Variants in MAPKAPK5 observed in about 807,000 individuals in gnomAD.
The protein encoded by MAPKAPK5 is MAPK activated protein kinase 5.
In MAPKAPK5, 30 loss-of-function variants were observed where a neutral mutation model predicts 65.1. The observed-to-expected ratio is 0.46, with a 90% CI of 0.34 to 0.63. The LOEUF is 0.63. MAPKAPK5 is among the 20% of genes least tolerant of loss of function. The pLI is 0.01. For synonymous variants in MAPKAPK5, 179 were observed against 204.6 expected (o/e 0.87, Z 1.07); for missense variants, 433 against 581.4 (o/e 0.74, Z 2.63).
chr12:111,889,016 T>C lies in MAPKAPK5; in HGVS notation c.1216+16T>C. ...CCCCAGGCTGGTAAAGGTCACACCA[T>C]TTACTAATCCTCTGTGTGTCTGTGA... is the stretch of plus-strand genomic sequence containing the variant. On this transcript the variant is annotated intron_variant, in intron 12 of 13. Coordinates refer to ENST00000550735, the MANE Select transcript of MAPKAPK5 (RefSeq NM_003668.4). 8 of 1,560,036 alleles carry C rather than the reference T, an allele frequency of 5.1e-6. No homozygotes were observed. The highest frequency in any genetic ancestry group is 6.9e-6 in the Non-Finnish European group (8 of 1,151,542).
chr12:111,849,679 G>A (rs944819212), intron 1 of MAPKAPK5, among the ~76,000 whole-genome samples: 1 of 152,064 alleles, frequency 6.6e-6, no homozygotes, highest in Non-Finnish European at 1.5e-5. Flanking sequence ...AGAGCAAAAG[G>A]TTTTAAATTT....
At chr12:111,871,502 G>T (rs1411270259) in intron 7 of MAPKAPK5, among the ~76,000 whole-genome samples, 1 of 152,128 alleles carries the variant, frequency 6.6e-6, no homozygotes, top group East Asian at 1.9e-4. Context: ...AATTAGCCGA[G>T]TGTGGTGGCG....
chr12:111,882,147 G>A (rs1362743980), intron 8 of MAPKAPK5, among the ~76,000 whole-genome samples: 11 of 152,290 alleles, frequency 7.2e-5, no homozygotes, highest in Admixed American at 5.9e-4. Flanking sequence ...TTGGGAGGCC[G>A]AGGTGGGCGG....
intron 7 of MAPKAPK5, chr12:111,879,932 T>C (rs902496617): frequency 4.7e-5 from 8 of 169,552 alleles, no homozygotes; most frequent in Admixed American, 2.2e-4. Flanking sequence ...CTGTGACTTT[T>C]CAAGGAACAG....
Position 111,848,561 on chromosome 12 carries a change from C to T in MAPKAPK5, c.36+5792C>T, listed in dbSNP as rs187776987. On this transcript the variant is annotated intron_variant, in intron 1 of 13. Transcript: ENST00000550735. Reference sequence around the variant, plus strand: ...CCCGAGTAGCTGGGATTACAGGCACCTGCCATCATGCCCAGCTAATTTTTG... The same window carrying T: ...CCCGAGTAGCTGGGATTACAGGCACTTGCCATCATGCCCAGCTAATTTTTG... 9.3e-4 allele frequency among the ~76,000 whole-genome samples: 140 copies of T among 151,278 alleles called. 1 individual carries two copies. Among genetic ancestry groups the T allele is most frequent in the African/African-American group, 3.3e-3 (135 of 41,206 alleles).
At chr12:111,869,936 T>G (rs1192561034) in intron 5 of MAPKAPK5, among the ~76,000 whole-genome samples, 5 of 152,244 alleles carry the variant, frequency 3.3e-5, no homozygotes, top group Non-Finnish European at 7.3e-5. Flanking sequence ...CTTAGGTGTT[T>G]CTTCTGCAGT....
At chr12:111,866,595 C>T (rs1414698964) in intron 3 of MAPKAPK5, among the ~76,000 whole-genome samples, 3 of 152,196 alleles carry the variant, frequency 2.0e-5, no homozygotes, top group East Asian at 1.9e-4. Context: ...CAGGAGGACT[C>T]TGAGGATGTT....
At position 111,842,455 on chromosome 12, in the gene MAPKAPK5, G is replaced by A. The variant is rs562405889; in HGVS notation, c.-279G>A. 1.0e-5 allele frequency: 3 copies of A among 288,628 alleles called. No homozygotes were observed. Among genetic ancestry groups the A allele is most frequent in the Admixed American group, 5.2e-5 (1 of 19,166 alleles). 17.9% of individuals were successfully genotyped at this position (288,628 alleles called of 1,614,324 possible). ...CCTACCCCAGGAGCCTGCCTCCCCA[G>A]CTGGGGATGAGGCTAGGAGGCGGCC... On this transcript the variant is annotated 5_prime_UTR_variant, in exon 1 of 14. Transcript: ENST00000550735.
intron 12 of MAPKAPK5, 196 bp from the exon 13 acceptor site, chr12:111,889,844 C>G: frequency 2.0e-6 from 1 of 512,504 alleles, no homozygotes; most frequent in Non-Finnish European, 3.5e-6. Flanking sequence ...ATAAAGATGT[C>G]AGAGTAAAAA....
In MAPKAPK5 at chr12:111,901,443, C is replaced by T. The variant is rs754951941; in HGVS notation, c.*8382C>T. On this transcript the variant is annotated 3_prime_UTR_variant, in exon 14 of 14. Coordinates refer to ENST00000550735, the MANE Select transcript of MAPKAPK5 (RefSeq NM_003668.4). ...AAATCACAATATGACTCATTCCAGA[C>T]GTGAAGAACATGCTGTAGACATGAT... 7.0e-5 allele frequency: 32 copies of T among 455,826 alleles called. No individual in the cohort carries two copies. The highest frequency in any genetic ancestry group is 3.8e-4 in the African/African-American group (19 of 50,038). The allele number at this position is 455,826 out of a possible 1,614,324, so 28.2% of individuals were successfully genotyped here. A position where few individuals can be genotyped will look rare whatever the true frequency, so the allele number is the denominator to read the frequency against.
chr12:111,852,003 C>CA (rs1370295626), intron 1 of MAPKAPK5, among the ~76,000 whole-genome samples: 1 of 152,146 alleles, frequency 6.6e-6, no homozygotes, highest in Non-Finnish European at 1.5e-5. Context: ...GCTTCTGTGC[C>CA]AGACAGTAAG....
chr12:111,885,143 C>T (rs2070362402), intron 9 of MAPKAPK5, among the ~76,000 whole-genome samples: 1 of 152,174 alleles, frequency 6.6e-6, no homozygotes, highest in African/African-American at 2.4e-5. Flanking sequence ...TCCAGATAAT[C>T]CTTTCTTTAG....
chr12:111,854,189 G>A (rs2069168594), intron 1 of MAPKAPK5, among the ~76,000 whole-genome samples: 1 of 151,532 alleles, frequency 6.6e-6, no homozygotes. Context: ...CTCCTCTATG[G>A]GATCATTACT....
intron 7 of MAPKAPK5, among the ~76,000 whole-genome samples, chr12:111,872,085 C>T (rs1401438200): frequency 1.3e-5 from 2 of 152,150 alleles, no homozygotes; most frequent in Non-Finnish European, 2.9e-5. Context: ...CATTCACTGA[C>T]AGGATTTTGG....
At chr12:111,875,868 T>G (rs946487474) in intron 7 of MAPKAPK5, among the ~76,000 whole-genome samples, 3 of 152,042 alleles carry the variant, frequency 2.0e-5, no homozygotes, top group Non-Finnish European at 2.9e-5. Flanking sequence ...CTTAAAGATT[T>G]CCGAATAATT....
rs144561164 is a variant in MAPKAPK5 at position 111,857,377 on chromosome 12, G to C, written c.37-7873G>C. ...CTTCCTCACCCTCCGTAGTAGCTGGGAATACAGGTGTGTGCCACCATGCCT... is the reference window on the plus strand; with the variant it reads ...CTTCCTCACCCTCCGTAGTAGCTGGCAATACAGGTGTGTGCCACCATGCCT... On this transcript the variant is annotated intron_variant, in intron 1 of 13. Transcript: ENST00000550735. Among the ~76,000 whole-genome samples the C allele has an allele frequency of 3.9e-4, 60 of 152,098 alleles. No individual in the cohort carries two copies. In the East Asian group the frequency reaches 0.011, roughly 28 times the overall value.
chr12:111,875,974 G>C (rs1479099402), intron 7 of MAPKAPK5, among the ~76,000 whole-genome samples: 2 of 152,064 alleles, frequency 1.3e-5, no homozygotes, highest in Non-Finnish European at 1.5e-5. Flanking sequence ...GGGAGGCTGA[G>C]GGGGGTGGAT....
At chr12:111,887,838 C>A (rs1271805942) in intron 10 of MAPKAPK5, 1 of 152,128 alleles carries the variant, frequency 6.6e-6, no homozygotes, top group Non-Finnish European at 1.5e-5. Context: ...CACACACACA[C>A]ACACACACAC....
At chr12:111,855,624 C>T (rs770457233) in intron 1 of MAPKAPK5, among the ~76,000 whole-genome samples, 107 of 152,026 alleles carry the variant, frequency 7.0e-4, no homozygotes, top group Non-Finnish European at 1.4e-3. Context: ...GTCAGGAGTT[C>T]GAGACCAGCC....
Sources: gnomAD v4.1 joint callset for allele counts (sites outside exome capture counted in the v4.1 genomes callset) on GRCh38, gnomAD v4.1.1 for gene constraint, MANE v1.5 for transcripts, NCBI Gene and HGNC (gene_info 2026-07-23, HGNC 2026-07-21) for gene names.